Variants in DNAH17 observed in about 807,000 individuals in gnomAD.
The protein encoded by DNAH17 is dynein axonemal heavy chain 17, also known as axonemal beta dynein heavy chain 17.
In DNAH17, 376 loss-of-function variants were observed where a neutral mutation model predicts 485.6. The observed-to-expected ratio is 0.77, with a 90% CI of 0.71 to 0.84. DNAH17 has a LOEUF of 0.84. Among genes scored for constraint, DNAH17 ranks in the 40% least tolerant of loss-of-function variants. The probability of loss-of-function intolerance (pLI) is 0.00; values close to 1 mark genes in which losing one functional copy is unlikely to be tolerated. For synonymous variants in DNAH17, 3,031 were observed against 2,405.9 expected, an observed-to-expected ratio of 1.26 and a Z score of -7.60; for missense variants, 6,370 against 5,839.3, an observed-to-expected ratio of 1.09 and a Z score of -2.96.
chr17:78,466,726 A>G lies in DNAH17; in HGVS notation c.8869T>C (p.Phe2957Leu). Residue 2957 changes from phenylalanine to leucine, a missense_variant, in exon 56 of 81, where the codon TTC becomes CTC. Transcript: ENST00000389840. ...AGCGCATCTTCCGGCCACTCGTGGA[A>G]CCAGTCGATGGCCGTGCAGTTGACC... ...AVVNCTAIDW[F>L]HEWPEDALVS... The G allele has an allele frequency of 6.2e-7, 1 of 1,613,016 alleles. No individual in the cohort carries two copies. The highest frequency in any genetic ancestry group is 8.5e-7 in the Non-Finnish European group (1 of 1,179,624).
At chr17:78,466,966 T>C (rs2088499568) in intron 55 of DNAH17, 150 bp from the exon 56 acceptor site, 2 of 733,014 alleles carry the variant, frequency 2.7e-6, no homozygotes, top group Admixed American at 3.7e-5. Flanking sequence ...GTTCTGGGTT[T>C]GAAGGGCGGC....
rs1362671763 is a variant in DNAH17 at position 78,428,557 on chromosome 17, C to G, written c.12556G>C (p.Gly4186Arg). The G allele has an allele frequency of 5.0e-6, 8 of 1,612,700 alleles. No homozygotes were observed. In the African/African-American group the frequency reaches 1.1e-4, roughly 22 times the overall value. ...LEMQPKETDS[G>R]AGTGVSREEK... ...TCGCGGGACACTCCCGTGCCTGCCC[C>G]CGAGTCCGTCTCTTTTGGCTGCATT... is the stretch of plus-strand genomic sequence containing the variant. The change falls in exon 77 of 81, where the codon GGG becomes CGG. Residue 4186 changes from glycine (G) to arginine (R), a missense_variant. Physicochemically the swap from Gly to Arg is moderately radical, Grantham distance 125. Coordinates refer to ENST00000389840, the MANE Select transcript of DNAH17 (RefSeq NM_173628.4).
At chr17:78,457,906 C>CTGAT (rs2087889231) in intron 62 of DNAH17, among the ~76,000 whole-genome samples, 1 of 152,186 alleles carries the variant, frequency 6.6e-6, no homozygotes, top group African/African-American at 2.4e-5. Flanking sequence ...GGTGATCCAC[C>CTGAT]CACCTTGGCC....
chr17:78,543,323 G>A (rs971115264), intron 17 of DNAH17, among the ~76,000 whole-genome samples: 32 of 143,480 alleles, frequency 2.2e-4, no homozygotes, highest in African/African-American at 6.4e-4. Context: ...TCGCTCTGTC[G>A]CCCAAGCCGG....
At chr17:78,433,505 C>T (rs1446743012) in intron 75 of DNAH17, among the ~76,000 whole-genome samples, 5 of 152,208 alleles carry the variant, frequency 3.3e-5, no homozygotes, top group South Asian at 2.1e-4. Flanking sequence ...AGTCTGCATG[C>T]GCCTTTATGC....
intron 54 of DNAH17, among the ~76,000 whole-genome samples, chr17:78,474,528 A>G (rs1048921501): frequency 1.3e-5 from 2 of 152,260 alleles, no homozygotes; most frequent in African/African-American, 2.4e-5. Context: ...ACACCCAGTC[A>G]TGGCTCTGAA....
intron 75 of DNAH17, among the ~76,000 whole-genome samples, chr17:78,430,923 C>T (rs1390970157): frequency 1.3e-5 from 2 of 152,094 alleles, no homozygotes; most frequent in Non-Finnish European, 2.9e-5. Flanking sequence ...TTCCATGTCC[C>T]AGGCTGGAGT....
intron 76 of DNAH17, 124 bp downstream of exon 76, chr17:78,428,997 C>G (rs1568038063): frequency 1.0e-6 from 1 of 993,414 alleles, no homozygotes; most frequent in African/African-American, 1.6e-5. Flanking sequence ...CATTTCTCAT[C>G]CTCTCTTATT....
intron 17 of DNAH17, among the ~76,000 whole-genome samples, chr17:78,541,450 G>C (rs950594777): frequency 6.6e-6 from 1 of 151,410 alleles, no homozygotes; most frequent in Non-Finnish European, 1.5e-5. Context: ...AGTGCTATAG[G>C]GAAACTCAAA....
intron 48 of DNAH17, among the ~76,000 whole-genome samples, chr17:78,483,926 T>TA (rs2089463982): frequency 6.6e-6 from 1 of 151,554 alleles, no homozygotes; most frequent in Non-Finnish European, 1.5e-5. Flanking sequence ...GCGAAACCCC[T>TA]TCTCTACTAA....
intron 14 of DNAH17, 30 bp from the exon 15 acceptor site, chr17:78,552,835 C>A: frequency 6.8e-7 from 1 of 1,480,512 alleles, no homozygotes; most frequent in Non-Finnish European, 9.4e-7. Context: ...GGTTTTGTTC[C>A]GAGTCCAACC....
chr17:78,473,566 GAAAT>G (rs2088871620), intron 54 of DNAH17, among the ~76,000 whole-genome samples: 1 of 107,372 alleles, frequency 9.3e-6, no homozygotes, highest in East Asian at 2.5e-4. Flanking sequence ...AAAAAAAAAA[GAAAT>G]GACAGTGATA....
At position 78,425,590 on chromosome 17, in the gene DNAH17, C is replaced by T. The variant is rs375601220; in HGVS notation, c.12916-19G>A. On this transcript the variant is annotated intron_variant, in intron 79 of 80. Coordinates refer to ENST00000389840, the MANE Select transcript of DNAH17 (RefSeq NM_173628.4). ...CGAGTTCCTGCAAGGACACACGAGC[C>T]GCTAGGAGGAGAGGACATAGAATGA... 3.0e-5 allele frequency: 48 copies of T among 1,586,840 alleles called. No homozygotes were observed. The highest frequency in any genetic ancestry group is 1.8e-4 in the Admixed American group (10 of 56,302).
chr17:78,471,157 A>T (rs916703506), intron 54 of DNAH17, among the ~76,000 whole-genome samples: 4 of 152,212 alleles, frequency 2.6e-5, no homozygotes, highest in African/African-American at 9.7e-5. Flanking sequence ...TAGGCACCCC[A>T]GTGGCTGCTC....
At chr17:78,479,280 C>T (rs1006584262) in intron 50 of DNAH17, among the ~76,000 whole-genome samples, 164 bp from the exon 51 acceptor site, 2 of 152,204 alleles carry the variant, frequency 1.3e-5, no homozygotes, top group African/African-American at 2.4e-5. Flanking sequence ...CTCCTTAAAT[C>T]ATTTGTGTAT....
chr17:78,441,260 C>T (rs1466040459), intron 71 of DNAH17, 61 bp from the exon 72 acceptor site: 25 of 1,586,144 alleles, frequency 1.6e-5, no homozygotes, highest in Admixed American at 6.9e-5. Context: ...GCGGGGCGCT[C>T]GGGGTGGGCT....
At chr17:78,534,034 G>A (rs1038049536) in intron 19 of DNAH17, among the ~76,000 whole-genome samples, 7 of 152,340 alleles carry the variant, frequency 4.6e-5, no homozygotes, top group Admixed American at 3.3e-4. Context: ...TATGGGCCAG[G>A]AAGAGCCGGC....
intron 16 of DNAH17, among the ~76,000 whole-genome samples, chr17:78,546,438 T>G (rs2091766356): frequency 6.6e-6 from 1 of 152,242 alleles, no homozygotes; most frequent in Non-Finnish European, 1.5e-5. Flanking sequence ...TTATCACGTT[T>G]TATCCTTTCT....
At chr17:78,477,978 T>TCACCACCACCAC (rs1568117172) in intron 51 of DNAH17, among the ~76,000 whole-genome samples, 1 of 118,006 alleles carries the variant, frequency 8.5e-6, no homozygotes, top group African/African-American at 3.9e-5. Flanking sequence ...ACCACCATCA[T>TCACCACCACCAC]CATCACCACC....
Sources: gnomAD v4.1 joint callset for allele counts (sites outside exome capture counted in the v4.1 genomes callset) on GRCh38, gnomAD v4.1.1 for gene constraint, MANE v1.5 for transcripts, NCBI Gene and HGNC (gene_info 2026-07-23, HGNC 2026-07-21) for gene names.